Variants in SRI observed in about 807,000 individuals in gnomAD.
The protein encoded by SRI is 22 kDa protein.
SRI carries 30 observed loss-of-function variants against 33.3 expected under a neutral mutation model. That is an observed-to-expected ratio of 0.90 (90% CI 0.67 to 1.22). SRI has a LOEUF of 1.22. SRI is among the 50% of genes most tolerant of loss of function. The pLI, the probability that SRI is intolerant of heterozygous loss-of-function variation, is 0.00. For missense variants in SRI, 243 were observed against 250.8 expected, an observed-to-expected ratio of 0.97 and a Z score of 0.21; for synonymous variants, 75 against 89.9, an observed-to-expected ratio of 0.83 and a Z score of 0.94.
upstream of SRI, among the ~76,000 whole-genome samples, chr7:88,223,151 A>T (rs372568920): frequency 3.9e-5 from 6 of 152,352 alleles, no homozygotes; most frequent in East Asian, 1.2e-3. Flanking sequence ...AATTCTTACA[A>T]TTATTGCTAA....
upstream of SRI, among the ~76,000 whole-genome samples, chr7:88,223,648 C>T (rs1388249218): frequency 2.0e-5 from 3 of 152,158 alleles, no homozygotes; most frequent in Non-Finnish European, 4.4e-5. Context: ...ATTTGAATTT[C>T]ATATGACATG....
At chr7:88,216,726 A>C (rs1055345790) in intron 3 of SRI, 2 of 195,340 alleles carry the variant, frequency 1.0e-5, no homozygotes, top group African/African-American at 4.7e-5. Context: ...GGTACACAAA[A>C]CCCAAATCTG....
intron 3 of SRI, chr7:88,214,972 T>A (rs78106722): frequency 1.9e-6 from 1 of 516,882 alleles, no homozygotes; most frequent in East Asian, 6.8e-5. Flanking sequence ...TGAATTACAA[T>A]CTTACTGACT....
chr7:88,207,820 G>A (rs756644037), intron 7 of SRI: 10 of 152,398 alleles, frequency 6.6e-5, no homozygotes, highest in South Asian at 2.1e-4. Context: ...GTGAAACCCC[G>A]TCTCTACTAA....
At position 88,218,817 on chromosome 7, in the gene SRI, G is replaced by A. The variant is rs758891459; in HGVS notation, c.135+42C>T. The A allele has an allele frequency of 3.2e-6, 5 of 1,583,258 alleles. No homozygotes were observed. In the Admixed American group the frequency reaches 5.0e-5, roughly 16 times the overall value. On this transcript the variant is annotated intron_variant, in intron 2 of 7. Coordinates refer to ENST00000265729, the MANE Select transcript of SRI (RefSeq NM_003130.4). ...CACTATATCAAAAGCTACCACAAAT[G>A]CAGACAATAACGGCTCTTTAATATT...
At chr7:88,224,636 T>C (rs1851958479), upstream of SRI, among the ~76,000 whole-genome samples, 1 of 152,082 alleles carries the variant, frequency 6.6e-6, no homozygotes, top group Non-Finnish European at 1.5e-5. Context: ...AAGCCTATGA[T>C]GTTCATTTGG....
chr7:88,218,573 A>G (rs994772541), intron 2 of SRI, among the ~76,000 whole-genome samples: 1 of 152,198 alleles, frequency 6.6e-6, no homozygotes, highest in Admixed American at 6.5e-5. Flanking sequence ...ACAAGCGTTT[A>G]TATTTACCAG....
chr7:88,212,072 C>A (rs1281813590), intron 3 of SRI, among the ~76,000 whole-genome samples: 1 of 152,230 alleles, frequency 6.6e-6, no homozygotes, highest in Non-Finnish European at 1.5e-5. Context: ...ATAAATTCTG[C>A]AAGCTTGTTA....
At chr7:88,209,243 A>T (rs1179770240) in intron 6 of SRI, 96 bp downstream of exon 6, 2 of 1,031,390 alleles carry the variant, frequency 1.9e-6, no homozygotes, top group African/African-American at 3.2e-5. Context: ...GCAAGAAAAA[A>T]TTTGGGAAGA....
At chr7:88,221,855 C>T (rs1040639320), upstream of SRI, among the ~76,000 whole-genome samples, 4 of 137,658 alleles carry the variant, frequency 2.9e-5, no homozygotes, top group African/African-American at 1.1e-4. Context: ...CACCCCACCA[C>T]AGTCCCTAGA....
intron 1 of SRI, chr7:88,219,540 T>TTTTTTTTTG (rs921634162): frequency 4.1e-4 from 71 of 174,610 alleles, no homozygotes; most frequent in African/African-American, 1.6e-3. Context: ...CTCACTCGTT[T>TTTTTTTTTG]TTTGTTTGTT....
At chr7:88,221,295 A>T (rs1851883123), upstream of SRI, among the ~76,000 whole-genome samples, 1 of 152,102 alleles carries the variant, frequency 6.6e-6, no homozygotes, top group Non-Finnish European at 1.5e-5. Flanking sequence ...CCTTTTGAAA[A>T]CCAAAGTCCG....
chr7:88,217,294 T>TAC lies in SRI; in HGVS notation c.136-104_136-103insGT, dbSNP rs1851752688. The stretch of plus-strand genomic sequence containing the variant: ...ATAACAACAAAGAAAATCAGTATCT[T>TAC]TTTTTTATTTAAAAGGAATGCCTTT... On this transcript the variant is annotated intron_variant, in intron 2 of 7. Coordinates refer to ENST00000265729, the MANE Select transcript of SRI (RefSeq NM_003130.4). 3.0e-6 allele frequency: 3 copies of TAC among 992,438 alleles called. No homozygotes were observed. The African/African-American group carries it at 4.9e-5, about 16-fold the overall frequency. 61.5% of individuals were successfully genotyped at this position (992,438 alleles called of 1,614,324 possible).
intron 1 of SRI, among the ~76,000 whole-genome samples, chr7:88,226,247 C>T (rs1851991586): frequency 6.6e-6 from 1 of 152,142 alleles, no homozygotes; most frequent in South Asian, 2.1e-4. Context: ...CAGGCAAGCC[C>T]TCGAAAGTTC....
chr7:88,216,253 C>T (rs1043335752), intron 3 of SRI, among the ~76,000 whole-genome samples: 2 of 152,196 alleles, frequency 1.3e-5, no homozygotes, highest in Non-Finnish European at 2.9e-5. Context: ...GCTGGGATTA[C>T]AGGTGTGAGC....
chr7:88,219,932 C>T (rs1189184574), intron 1 of SRI, 44 bp downstream of exon 1: 4 of 1,535,820 alleles, frequency 2.6e-6, no homozygotes, highest in Non-Finnish European at 3.5e-6. Flanking sequence ...CCTCTTAGCG[C>T]CCCGGAGCCG....
upstream of SRI, chr7:88,220,141 G>T: frequency 7.4e-7 from 1 of 1,344,796 alleles, no homozygotes; most frequent in Non-Finnish European, 9.5e-7. Context: ...GGGCGTGGGG[G>T]ACGCGCTCCG....
At chr7:88,219,210 C>A (rs1426736327) in intron 1 of SRI, 9 of 445,654 alleles carry the variant, frequency 2.0e-5, no homozygotes, top group Non-Finnish European at 3.3e-5. Flanking sequence ...CCCTATTAAC[C>A]TGAAGGTTAC....
chr7:88,208,228 A>T, intron 7 of SRI: 1 of 527,324 alleles, frequency 1.9e-6, no homozygotes, highest in Middle Eastern at 6.3e-4. Context: ...ATATAGTGTC[A>T]CAGCAATTAA....
Sources: allele counts gnomAD v4.1 joint callset (sites outside exome capture counted in the v4.1 genomes callset), GRCh38; gene constraint gnomAD v4.1.1; transcripts MANE v1.5; gene names NCBI Gene and HGNC (gene_info 2026-07-23, HGNC 2026-07-21).